Variants in TMTC1 observed in about 807,000 individuals in gnomAD.
The protein encoded by TMTC1 is transmembrane O-mannosyltransferase targeting cadherins 1.
A neutral mutation model predicts 104.8 loss-of-function variants in TMTC1; 73 were observed. The ratio of observed to expected loss-of-function variants is 0.70; its 90% CI spans 0.58 to 0.85. The LOEUF (loss-of-function observed/expected upper bound fraction) is 0.85, where lower values mean the gene tolerates loss of function less well. Ranked by LOEUF, TMTC1 falls within the 40% of genes least tolerant of loss-of-function variation. TMTC1 has a pLI of 0.00. For missense variants in TMTC1, 1,035 were observed against 1,096.1 expected (o/e 0.94, Z 0.79); for synonymous variants, 434 against 428.7 (o/e 1.01, Z -0.15).
At position 29,696,219 on chromosome 12, in the gene TMTC1, A is replaced by G. The variant is rs200700894; in HGVS notation, c.938+55447T>C. On this transcript the variant is annotated intron_variant, in intron 5 of 17. Transcript: ENST00000539277. The stretch of plus-strand genomic sequence containing the variant: ...ACCTGTATTAGTTTGTGCTTGGGGA[A>G]AAGATGTAGCCAGCTACATACATCT... Among the ~76,000 whole-genome samples the G allele has an allele frequency of 4.6e-5, 7 of 152,330 alleles. No individual in the cohort carries two copies. In the East Asian group the frequency reaches 1.2e-3, roughly 25 times the overall value.
chr12:29,737,942 T>G (rs2136934987), intron 5 of TMTC1, among the ~76,000 whole-genome samples: 1 of 152,310 alleles, frequency 6.6e-6, no homozygotes, highest in East Asian at 1.9e-4. Context: ...GAAGCCAATC[T>G]TGCAAGACAC....
In TMTC1 at chr12:29,661,346, T is replaced by C. The variant is rs1235038394; in HGVS notation, c.939-28010A>G. The C allele has an allele frequency of 1.9e-5, 19 of 980,544 alleles. No homozygotes were observed. In the South Asian group the frequency reaches 8.0e-4, roughly 41 times the overall value. The allele number at this position is 980,544 out of a possible 1,614,324, so 60.7% of individuals were successfully genotyped here. On this transcript the variant is annotated intron_variant, in intron 5 of 17. Coordinates refer to ENST00000539277, the MANE Select transcript of TMTC1 (RefSeq NM_001193451.2). ...ATATAATTTGAAGGCTCCAATGTCT[T>C]CCATCCACAAAATACCTCACAGATC...
At chr12:29,726,741 A>G (rs1942402217) in intron 5 of TMTC1, among the ~76,000 whole-genome samples, 1 of 152,212 alleles carries the variant, frequency 6.6e-6, no homozygotes, top group Admixed American at 6.5e-5. Flanking sequence ...GGTGCTCTCC[A>G]GCCACTGAAA....
intron 7 of TMTC1, among the ~76,000 whole-genome samples, chr12:29,584,453 T>C (rs1048223173): frequency 6.6e-6 from 1 of 152,234 alleles, no homozygotes; most frequent in East Asian, 1.9e-4. Flanking sequence ...AATTTTATTA[T>C]TATTATACTT....
chr12:29,510,754 CAGTT>C (rs1268392850), intron 17 of TMTC1, among the ~76,000 whole-genome samples: 2 of 152,152 alleles, frequency 1.3e-5, no homozygotes, highest in African/African-American at 4.8e-5. Flanking sequence ...GACTGAAAAT[CAGTT>C]AGCTAAGCAA....
chr12:29,540,041 T>C (rs1396051024), intron 10 of TMTC1, among the ~76,000 whole-genome samples: 2 of 152,310 alleles, frequency 1.3e-5, no homozygotes, highest in East Asian at 3.9e-4. Flanking sequence ...ATGTATCACC[T>C]TTCTGATATT....
chr12:29,744,279 GT>G (rs961272439), intron 5 of TMTC1, among the ~76,000 whole-genome samples: 9 of 152,208 alleles, frequency 5.9e-5, no homozygotes, highest in African/African-American at 1.2e-4. Flanking sequence ...ACTGTCAGCA[GT>G]TAGAAACTAT....
intron 8 of TMTC1, among the ~76,000 whole-genome samples, chr12:29,582,849 G>GT (rs1565686639): frequency 6.6e-6 from 1 of 152,218 alleles, no homozygotes; most frequent in East Asian, 1.9e-4. Context: ...TGGGTGTCAG[G>GT]TGTGGCAGTG....
At chr12:29,552,861 A>G (rs570762060) in intron 10 of TMTC1, among the ~76,000 whole-genome samples, 10 of 152,360 alleles carry the variant, frequency 6.6e-5, no homozygotes, top group Non-Finnish European at 1.5e-4. Context: ...CTTAAAGTGA[A>G]TAAATAGTAA....
At chr12:29,735,432 T>A (rs899669467) in intron 5 of TMTC1, among the ~76,000 whole-genome samples, 1 of 152,192 alleles carries the variant, frequency 6.6e-6, no homozygotes, top group Non-Finnish European at 1.5e-5. Context: ...AAGGATTAAG[T>A]GAGTTAATTT....
At chr12:29,594,851 TTCACTTTTGAGCTGC>T (rs1946367243) in intron 7 of TMTC1, among the ~76,000 whole-genome samples, 1 of 152,152 alleles carries the variant, frequency 6.6e-6, no homozygotes, top group African/African-American at 2.4e-5. Flanking sequence ...GCTAGGGTTG[TTCACTTTTGAGCTGC>T]TCACTTTTGA....
chr12:29,548,583 C>T (rs299468), intron 10 of TMTC1, among the ~76,000 whole-genome samples: 83,027 of 151,684 alleles, frequency 0.55, 25,559 homozygotes, highest in Non-Finnish European at 0.68. Flanking sequence ...TAAGATGTGT[C>T]TTTGCTCCTG....
intron 5 of TMTC1, among the ~76,000 whole-genome samples, chr12:29,702,183 T>C (rs1941613056): frequency 6.6e-6 from 1 of 152,240 alleles, no homozygotes; most frequent in South Asian, 2.1e-4. Flanking sequence ...TTTCCTAATA[T>C]AAATTCTACC....
intron 11 of TMTC1, among the ~76,000 whole-genome samples, chr12:29,522,034 A>C (rs1029577755): frequency 6.6e-6 from 1 of 152,212 alleles, no homozygotes; most frequent in African/African-American, 2.4e-5. Context: ...GGTCATGTAA[A>C]ATAAGATGAT....
intron 1 of TMTC1, among the ~76,000 whole-genome samples, chr12:29,779,511 T>G (rs1943785490): frequency 6.6e-6 from 1 of 152,206 alleles, no homozygotes. Flanking sequence ...AATACATAAT[T>G]AGTATCTTTA....
chr12:29,746,879 C>G (rs1346278626), intron 5 of TMTC1, among the ~76,000 whole-genome samples: 1 of 152,150 alleles, frequency 6.6e-6, no homozygotes, highest in East Asian at 1.9e-4. Flanking sequence ...TGATCATCAT[C>G]CCATAAAGTT....
chr12:29,538,008 T>C (rs1347869232), intron 10 of TMTC1, among the ~76,000 whole-genome samples: 1 of 152,166 alleles, frequency 6.6e-6, no homozygotes, highest in Admixed American at 6.5e-5. Context: ...GGAGAGGTGG[T>C]GGTCTGCACT....
At chr12:29,710,608 TTTTATA>T (rs1289185135) in intron 5 of TMTC1, among the ~76,000 whole-genome samples, 9 of 144,066 alleles carry the variant, frequency 6.2e-5, no homozygotes, top group African/African-American at 1.8e-4. Context: ...ACTTATAATT[TTTTATA>T]TTTATATTTA....
At chr12:29,522,582 G>A (rs979184249) in intron 11 of TMTC1, among the ~76,000 whole-genome samples, 1 of 124,200 alleles carries the variant, frequency 8.1e-6, no homozygotes, top group Non-Finnish European at 1.8e-5. Flanking sequence ...GTGTGTGTGT[G>A]TGTGTAATGA....
Sources: gnomAD v4.1 joint callset for allele counts (sites outside exome capture counted in the v4.1 genomes callset) on GRCh38, gnomAD v4.1.1 for gene constraint, MANE v1.5 for transcripts, NCBI Gene and HGNC (gene_info 2026-07-23, HGNC 2026-07-21) for gene names.